The following PARD6B variants were observed in gnomAD, a reference collection of about 807,000 sequenced individuals.
PARD6B encodes par-6 family cell polarity regulator beta.
In PARD6B, 4 loss-of-function variants were observed where a neutral mutation model predicts 10.5. The ratio of observed to expected loss-of-function variants is 0.38; its 90% CI spans 0.19 to 0.87. The LOEUF (loss-of-function observed/expected upper bound fraction) is 0.87. Among genes scored for constraint, PARD6B ranks in the 40% least tolerant of loss-of-function variants. The probability of loss-of-function intolerance (pLI) is 0.41; values close to 1 mark genes in which losing one functional copy is unlikely to be tolerated. For synonymous variants in PARD6B, 169 were observed against 170.4 expected (o/e 0.99, Z 0.07); for missense variants, 396 against 470.6 (o/e 0.84, Z 1.47).
In PARD6B at chr20:50,750,897, G is replaced by T. The variant is rs957266089; in HGVS notation, c.*409G>T. The T allele has an allele frequency of 1.0e-6, 1 of 981,262 alleles. No homozygotes were observed. The highest frequency in any genetic ancestry group is 5.3e-4 in the Middle Eastern group (1 of 1,878). 60.8% of individuals were successfully genotyped at this position (981,262 alleles called of 1,614,324 possible). On this transcript the variant is annotated 3_prime_UTR_variant, in exon 3 of 3. Coordinates refer to ENST00000371610, the MANE Select transcript of PARD6B (RefSeq NM_032521.3). ...CTAATGTGAAGTCTGATTCTCTCTT[G>T]TGGTACATTGGGGACCTCAGCTCTT...
intron 2 of PARD6B, among the ~76,000 whole-genome samples, chr20:50,743,374 T>A (rs6122969): frequency 0.066 from 10,079 of 152,250 alleles, 401 homozygotes; most frequent in Admixed American, 0.11. Context: ...CTAGAAAGGC[T>A]TTGCTTTAAA....
chr20:50,750,683 G>C lies in PARD6B; in HGVS notation c.*195G>C, dbSNP rs1040056630. Reference sequence around the variant, plus strand: ...TTTGGTGGATCAGAGGTGAATTTAAGTCCAAAACAAAGGGGCCTTTGCTGA... The same window carrying C: ...TTTGGTGGATCAGAGGTGAATTTAACTCCAAAACAAAGGGGCCTTTGCTGA... On this transcript the variant is annotated 3_prime_UTR_variant, in exon 3 of 3. Transcript: ENST00000371610. 9 of 1,360,664 alleles carry C rather than the reference G, an allele frequency of 6.6e-6. No homozygotes were observed. The African/African-American group carries it at 1.1e-4, about 16-fold the overall frequency. The allele number at this position is 1,360,664 out of a possible 1,614,324, so 84.3% of individuals were successfully genotyped here. A position where few individuals can be genotyped will look rare whatever the true frequency, so the allele number is the denominator to read the frequency against.
intron 2 of PARD6B, among the ~76,000 whole-genome samples, chr20:50,741,432 C>T (rs1003189451): frequency 9.9e-5 from 15 of 152,142 alleles, no homozygotes; most frequent in African/African-American, 3.6e-4. Flanking sequence ...ACCACATCAT[C>T]CTCTGAAGAC....
At position 50,745,887 on chromosome 20, in the gene PARD6B, G is replaced by T. The variant is rs551151667; in HGVS notation, c.290-3772G>T. Among the ~76,000 whole-genome samples, 15 of 152,228 alleles carry T rather than the reference G, an allele frequency of 9.9e-5. 1 individual carries two copies. Among genetic ancestry groups the T allele is most frequent in the African/African-American group, 3.4e-4 (14 of 41,540 alleles). On this transcript the variant is annotated intron_variant, in intron 2 of 2. Coordinates refer to ENST00000371610, the MANE Select transcript of PARD6B (RefSeq NM_032521.3). ...TGTAATACCTAGACATTTACTGTCT[G>T]ACTCTTGACAGAAAACGGTTGTCAA... is the stretch of plus-strand genomic sequence containing the variant.
chr20:50,752,139 A>G lies in PARD6B; in HGVS notation c.*1651A>G, dbSNP rs2087615657. On this transcript the variant is annotated 3_prime_UTR_variant, in exon 3 of 3. Coordinates refer to ENST00000371610, the MANE Select transcript of PARD6B (RefSeq NM_032521.3). ...AAAGGCAATTCTCTTGACTTTGGAA[A>G]TATGGAAGTCTCTCCTTTAACCTAT... The G allele has an allele frequency of 1.0e-6, 1 of 985,494 alleles. No individual in the cohort carries two copies. The highest frequency in any genetic ancestry group is 1.2e-6 in the Non-Finnish European group (1 of 829,708). The allele number at this position is 985,494 out of a possible 1,614,324, so 61.0% of individuals were successfully genotyped here. A position where few individuals can be genotyped will look rare whatever the true frequency, so the allele number is the denominator to read the frequency against.
At chr20:50,745,436 A>T (rs1183863304) in intron 2 of PARD6B, among the ~76,000 whole-genome samples, 1 of 151,638 alleles carries the variant, frequency 6.6e-6, no homozygotes, top group Non-Finnish European at 1.5e-5. Flanking sequence ...AAGTTGCCAG[A>T]TCTATCTCAT....
chr20:50,736,581 GA>G (rs2087500588), intron 1 of PARD6B, among the ~76,000 whole-genome samples: 1 of 152,104 alleles, frequency 6.6e-6, no homozygotes, highest in Non-Finnish European at 1.5e-5. Flanking sequence ...ACTTTTTGAG[GA>G]AGGCAGATTA....
intron 1 of PARD6B, among the ~76,000 whole-genome samples, chr20:50,736,523 C>T (rs1019497634): frequency 2.0e-5 from 3 of 152,092 alleles, no homozygotes; most frequent in Non-Finnish European, 2.9e-5. Flanking sequence ...CGCAGTGATT[C>T]CCAAGAGCAT....
chr20:50,748,556 G>A (rs1015494818), intron 2 of PARD6B, among the ~76,000 whole-genome samples: 2 of 152,156 alleles, frequency 1.3e-5, no homozygotes, highest in African/African-American at 2.4e-5. Context: ...AATTGCAGGC[G>A]TGTTTTTGTT....
intron 2 of PARD6B, among the ~76,000 whole-genome samples, chr20:50,739,239 A>G (rs6013006): frequency 0.73 from 110,025 of 151,698 alleles, 40,246 homozygotes; most frequent in African/African-American, 0.79. Context: ...CTGAGGTCAG[A>G]AGTTCATGAC....
At position 50,750,954 on chromosome 20, in the gene PARD6B, A is replaced by ATTTTTTT. The variant is rs565068464; in HGVS notation, c.*492_*498dup. 179 of 387,796 alleles carry ATTTTTTT rather than the reference A, an allele frequency of 4.6e-4. 12 individuals carry two copies. Among genetic ancestry groups the ATTTTTTT allele is most frequent in the East Asian group, 2.4e-3 (7 of 2,870 alleles). The allele number at this position is 387,796 out of a possible 1,614,324, so 24.0% of individuals were successfully genotyped here. A position where few individuals can be genotyped will look rare whatever the true frequency, so the allele number is the denominator to read the frequency against. ...CTCATGTTCCCAATATTTTATTTTG[A>ATTTTTTT]TTTTTTTTTTTTTTTTTTTTTTTTT... On this transcript the variant is annotated 3_prime_UTR_variant, in exon 3 of 3. Transcript: ENST00000371610.
intron 2 of PARD6B, among the ~76,000 whole-genome samples, chr20:50,742,991 A>G (rs1196587461): frequency 6.6e-6 from 1 of 152,206 alleles, no homozygotes. Flanking sequence ...TAAGAGTATT[A>G]GAGTTTATCC....
At chr20:50,745,388 C>T (rs956349980) in intron 2 of PARD6B, among the ~76,000 whole-genome samples, 1 of 148,764 alleles carries the variant, frequency 6.7e-6, no homozygotes, top group African/African-American at 2.5e-5. Flanking sequence ...CGTGTCATTG[C>T]ACTCTAGAGC....
intron 2 of PARD6B, among the ~76,000 whole-genome samples, chr20:50,738,505 A>C: frequency 6.6e-6 from 1 of 152,248 alleles, no homozygotes; most frequent in East Asian, 1.9e-4. Flanking sequence ...CCAGTTAATA[A>C]ATACCAGAAA....
chr20:50,732,172 C>G (rs2123697059), intron 1 of PARD6B, among the ~76,000 whole-genome samples: 1 of 152,302 alleles, frequency 6.6e-6, no homozygotes, highest in Non-Finnish European at 1.5e-5. Flanking sequence ...GAGTGAAATG[C>G]GAGGCTGCTC....
intron 1 of PARD6B, among the ~76,000 whole-genome samples, chr20:50,735,630 ATTG>A (rs781538057): frequency 1.3e-5 from 2 of 152,000 alleles, no homozygotes; most frequent in Non-Finnish European, 2.9e-5. Flanking sequence ...CCTTAATCCT[ATTG>A]TTGTGTTGCA....
Position 50,751,068 on chromosome 20 carries a change from C to T in PARD6B, c.*580C>T. On this transcript the variant is annotated 3_prime_UTR_variant, in exon 3 of 3. Coordinates refer to ENST00000371610, the MANE Select transcript of PARD6B (RefSeq NM_032521.3). ...CTCTGCAGCCTCAATCCCCTGGGCT[C>T]AAGCAGTCCTCCCACCTCAGCCTCC... 1.9e-6 allele frequency: 1 copy of T among 515,878 alleles called. No individual in the cohort carries two copies. Among genetic ancestry groups the T allele is most frequent in the Non-Finnish European group, 2.5e-6 (1 of 406,818 alleles). 32.0% of individuals were successfully genotyped at this position (515,878 alleles called of 1,614,324 possible).
intron 2 of PARD6B, among the ~76,000 whole-genome samples, chr20:50,744,059 T>C (rs550024744): frequency 6.7e-6 from 1 of 150,362 alleles, no homozygotes; most frequent in East Asian, 2.0e-4. Flanking sequence ...CATTTCCATG[T>C]CCTCTGCTCC....
At chr20:50,738,842 G>A (rs949905061) in intron 2 of PARD6B, among the ~76,000 whole-genome samples, 7 of 151,892 alleles carry the variant, frequency 4.6e-5, no homozygotes, top group African/African-American at 1.7e-4. Flanking sequence ...GTCTTACTAT[G>A]TTGCCTGGTC....
Sources: gnomAD v4.1 joint callset for allele counts (sites outside exome capture counted in the v4.1 genomes callset) on GRCh38, gnomAD v4.1.1 for gene constraint, MANE v1.5 for transcripts, NCBI Gene and HGNC (gene_info 2026-07-23, HGNC 2026-07-21) for gene names.